ATP6V1A: variants seen among roughly 807,000 people sequenced by gnomAD.
The protein encoded by ATP6V1A is ATPase H+ transporting V1 subunit A, also known as V-type proton ATPase catalytic subunit A.
In ATP6V1A, 18 loss-of-function variants were observed where a neutral mutation model predicts 70.1. The ratio of observed to expected loss-of-function variants is 0.26; its 90% confidence interval spans 0.18 to 0.38. ATP6V1A has a LOEUF of 0.38. ATP6V1A is among the 10% of genes least tolerant of loss of function. ATP6V1A has a pLI of 1.00. For missense variants in ATP6V1A, 424 were observed against 772.4 expected (o/e 0.55, Z 5.35); for synonymous variants, 232 against 253.8 (o/e 0.91, Z 0.82).
intron 1 of ATP6V1A, among the ~76,000 whole-genome samples, chr3:113,750,059 A>T (rs1297257506): frequency 2.0e-5 from 3 of 152,242 alleles, no homozygotes; most frequent in African/African-American, 7.2e-5. Flanking sequence ...GTGGACTAGC[A>T]CTAGACTAAA....
chr3:113,795,986 C>A (rs1709149736), intron 11 of ATP6V1A, 47 bp downstream of exon 11: 2 of 1,451,298 alleles, frequency 1.4e-6, no homozygotes, highest in African/African-American at 2.8e-5. Flanking sequence ...TTCCTCCTCT[C>A]TGCAGCCCCT....
At chr3:113,780,663 C>G (rs1294700898) in intron 2 of ATP6V1A, 1 of 1,002,606 alleles carries the variant, frequency 1.0e-6, no homozygotes, top group Non-Finnish European at 1.3e-6. Flanking sequence ...GTGTGGCATT[C>G]TACCATACTA....
chr3:113,776,686 C>G (rs552316388), intron 1 of ATP6V1A, among the ~76,000 whole-genome samples: 2 of 152,296 alleles, frequency 1.3e-5, no homozygotes, highest in Non-Finnish European at 2.9e-5. Context: ...AGTTCTCCCT[C>G]AATCTTCAGT....
At chr3:113,764,029 CAGGAGTTCA>C (rs901030429) in intron 1 of ATP6V1A, among the ~76,000 whole-genome samples, 2 of 151,978 alleles carry the variant, frequency 1.3e-5, no homozygotes, top group African/African-American at 4.8e-5. Context: ...CACTTGAGCC[CAGGAGTTCA>C]AGAGCAGCCT....
chr3:113,798,670 C>A (rs1185781692), intron 12 of ATP6V1A, among the ~76,000 whole-genome samples: 1 of 152,088 alleles, frequency 6.6e-6, no homozygotes, highest in Non-Finnish European at 1.5e-5. Context: ...ATGGAATATA[C>A]CCATCACCAA....
intron 6 of ATP6V1A, 82 bp downstream of exon 6, chr3:113,786,465 C>G: frequency 7.0e-7 from 1 of 1,423,806 alleles, no homozygotes; most frequent in South Asian, 1.4e-5. Flanking sequence ...AGATAAAGGG[C>G]TTATGTGTTT....
intron 1 of ATP6V1A, among the ~76,000 whole-genome samples, chr3:113,773,632 T>TA (rs578209554): frequency 1.0e-3 from 156 of 152,158 alleles, no homozygotes; most frequent in Admixed American, 2.7e-3. Flanking sequence ...ATACTTGTTT[T>TA]AAAAAATCAG....
chr3:113,759,587 G>A (rs1708679635), intron 1 of ATP6V1A, among the ~76,000 whole-genome samples: 1 of 151,680 alleles, frequency 6.6e-6, no homozygotes, highest in African/African-American at 2.4e-5. Flanking sequence ...TTAATAAATT[G>A]AATCTAATTT....
At chr3:113,773,355 T>C (rs1369119620) in intron 1 of ATP6V1A, among the ~76,000 whole-genome samples, 5 of 152,228 alleles carry the variant, frequency 3.3e-5, no homozygotes, top group Admixed American at 3.3e-4. Context: ...TGTAGACTTA[T>C]CACTAGGACT....
intron 1 of ATP6V1A, among the ~76,000 whole-genome samples, chr3:113,769,092 A>G (rs959771843): frequency 6.6e-6 from 1 of 150,718 alleles, no homozygotes; most frequent in Non-Finnish European, 1.5e-5. Context: ...CTAAATATAC[A>G]TAGTGAAATA....
At chr3:113,783,988 A>G (rs1336197922) in intron 3 of ATP6V1A, among the ~76,000 whole-genome samples, 1 of 152,250 alleles carries the variant, frequency 6.6e-6, no homozygotes, top group African/African-American at 2.4e-5. Context: ...GTTAGGACGT[A>G]TATACATATT....
chr3:113,756,715 A>G (rs1247069451), intron 1 of ATP6V1A, among the ~76,000 whole-genome samples: 2 of 152,230 alleles, frequency 1.3e-5, no homozygotes, highest in East Asian at 1.9e-4. Context: ...AATTCTATCA[A>G]TCGAAGTTTG....
At chr3:113,760,934 G>A (rs2108011965) in intron 1 of ATP6V1A, among the ~76,000 whole-genome samples, 1 of 152,006 alleles carries the variant, frequency 6.6e-6, no homozygotes, top group South Asian at 2.1e-4. Context: ...GGGCATGGTG[G>A]CACACACCTG....
intron 1 of ATP6V1A, among the ~76,000 whole-genome samples, chr3:113,749,551 C>G (rs931181299): frequency 3.9e-5 from 6 of 152,160 alleles, no homozygotes; most frequent in Non-Finnish European, 7.3e-5. Flanking sequence ...GAGGTAGCCA[C>G]TCAGTCCTAT....
chr3:113,765,460 C>T (rs769238783), intron 1 of ATP6V1A, among the ~76,000 whole-genome samples: 42 of 150,986 alleles, frequency 2.8e-4, no homozygotes, highest in Middle Eastern at 3.5e-3. Context: ...CAAAATTAGC[C>T]AGGTGTGGTG....
intron 1 of ATP6V1A, among the ~76,000 whole-genome samples, chr3:113,777,141 A>G (rs1295122490): frequency 6.6e-6 from 1 of 152,228 alleles, no homozygotes; most frequent in Non-Finnish European, 1.5e-5. Flanking sequence ...GCAGTCACAA[A>G]TAAACTTTCT....
chr3:113,766,458 C>A lies in ATP6V1A; in HGVS notation c.-13-12283C>A, dbSNP rs541325147. Among the ~76,000 whole-genome samples, 14 of 152,240 alleles carry A rather than the reference C, an allele frequency of 9.2e-5. 2 individuals carry two copies. Among genetic ancestry groups the A allele is most frequent in the African/African-American group, 3.4e-4 (14 of 41,548 alleles). ...TATGGGTGCACACCACCACGCCCAG[C>A]TAATTTTTTAATTTTTTGTAGGGAC... On this transcript the variant is annotated intron_variant, in intron 1 of 14. Transcript: ENST00000273398.
At chr3:113,762,940 G>C (rs1053283984) in intron 1 of ATP6V1A, among the ~76,000 whole-genome samples, 2 of 151,978 alleles carry the variant, frequency 1.3e-5, no homozygotes, top group Admixed American at 6.6e-5. Flanking sequence ...GAGTCAAAAG[G>C]CTTGAACATC....
At chr3:113,772,179 G>A (rs1051289153) in intron 1 of ATP6V1A, among the ~76,000 whole-genome samples, 4 of 152,226 alleles carry the variant, frequency 2.6e-5, no homozygotes, top group African/African-American at 9.6e-5. Flanking sequence ...TGTCCATTCA[G>A]CAGGTGCACA....
Sources: gnomAD v4.1 joint callset for allele counts (sites outside exome capture counted in the v4.1 genomes callset) on GRCh38, gnomAD v4.1.1 for gene constraint, MANE v1.5 for transcripts, NCBI Gene and HGNC (gene_info 2026-07-23, HGNC 2026-07-21) for gene names.